ERBB2: variants seen among roughly 807,000 people sequenced by gnomAD.
ERBB2 encodes the protein receptor tyrosine-protein kinase erbB-2.
In ERBB2, 61 loss-of-function variants were observed where a neutral mutation model predicts 149.0. That is an observed-to-expected ratio of 0.41 (90% confidence interval 0.33 to 0.51). The LOEUF (loss-of-function observed/expected upper bound fraction) is 0.51. Among genes scored for constraint, ERBB2 ranks in the 20% least tolerant of loss-of-function variants. ERBB2 has a pLI of 0.25. For missense variants in ERBB2, 1,205 were observed against 1,655.1 expected (o/e 0.73, Z 4.72); for synonymous variants, 633 against 678.8 (o/e 0.93, Z 1.05).
At chr17:39,719,858 C>T (rs745545735) in intron 16 of ERBB2, 24 bp downstream of exon 16, 2 of 1,610,354 alleles carry the variant, frequency 1.2e-6, no homozygotes, top group African/African-American at 1.3e-5. Context: ...CCAGGATGTA[C>T]CCTTCATTGC....
intron 1 of ERBB2, among the ~76,000 whole-genome samples, chr17:39,702,065 TATTG>T (rs1438104335): frequency 6.6e-6 from 1 of 152,180 alleles, no homozygotes; most frequent in Admixed American, 6.5e-5. Context: ...CAACCTGCAC[TATTG>T]ATTGTGTTGT....
At chr17:39,724,253 G>C (rs2059611316) in intron 19 of ERBB2, among the ~76,000 whole-genome samples, 1 of 100,360 alleles carries the variant, frequency 1.0e-5, no homozygotes, top group South Asian at 3.8e-4. Context: ...TGAGTAGCTG[G>C]GATTACAAGC....
intron 16 of ERBB2, among the ~76,000 whole-genome samples, chr17:39,722,360 G>A (rs1026285520): frequency 6.6e-6 from 1 of 152,126 alleles, no homozygotes; most frequent in African/African-American, 2.4e-5. Context: ...AAAACTAGCT[G>A]AGTGTGGTGG....
At chr17:39,716,481 T>C (rs547963026) in intron 13 of ERBB2, 34 bp from the exon 14 acceptor site, 1 of 1,613,678 alleles carries the variant, frequency 6.2e-7, no homozygotes, top group East Asian at 2.2e-5. Flanking sequence ...ATGGGGCTCC[T>C]CTCAGACCCC....
chr17:39,728,149 G>C lies in ERBB2; in HGVS notation c.*105G>C. On this transcript the variant is annotated 3_prime_UTR_variant, in exon 27 of 27. Transcript: ENST00000269571. ...TGGGAGGGCCCTCCGACCACTTCCA[G>C]GGGAACCTGCCATGCCAGGAACCTG... The C allele has an allele frequency of 1.3e-6, 1 of 771,868 alleles. No individual in the cohort carries two copies. Among genetic ancestry groups the C allele is most frequent in the South Asian group, 1.9e-5 (1 of 51,820 alleles). 47.8% of individuals were successfully genotyped at this position (771,868 alleles called of 1,614,324 possible).
Position 39,725,182 on chromosome 17 carries a change from A to G in ERBB2, c.2627A>G (p.Glu876Gly), listed in dbSNP as rs2145867583. 3.7e-6 allele frequency: 6 copies of G among 1,614,108 alleles called. No homozygotes were observed. Among genetic ancestry groups the G allele is most frequent in the Non-Finnish European group, 5.1e-6 (6 of 1,180,022 alleles). ...LARLLDIDET[E>G]YHADGGKVPI... ...CGGCTGCTGGACATTGACGAGACAG[A>G]GTACCATGCAGATGGGGGCAAGGTT... is the stretch of plus-strand genomic sequence containing the variant. Residue 876 changes from glutamate to glycine, a missense_variant, in exon 21 of 27, where the codon GAG becomes GGG. Transcript: ENST00000269571. This position sits in a 1 kb window ranked among gnomAD's most constrained non-coding sequence, Gnocchi z 4.6.
rs2145862213 is a variant in ERBB2 at position 39,725,055 on chromosome 17, A to G, written c.2500A>G (p.Ser834Gly). ...TGGGTGCTTCCCATTCCAGGGGATGAGCTACCTGGAGGATGTGCGGCTCGT... is the reference window on the plus strand; with the variant it reads ...TGGGTGCTTCCCATTCCAGGGGATGGGCTACCTGGAGGATGTGCGGCTCGT... ...NWCMQIAKGM[S>G]YLEDVRLVHR... The change falls in exon 21 of 27, where the codon AGC (serine) becomes GGC (glycine). Residue 834 changes from serine (S) to glycine (G), a missense_variant. By Grantham distance (56) the Ser-to-Gly change is moderately conservative. Transcript: ENST00000269571. The surrounding 1 kb of genome is among the most constrained non-coding windows in gnomAD (Gnocchi z 4.6). 1 of 1,614,124 alleles carries G rather than the reference A, an allele frequency of 6.2e-7. No homozygotes were observed. Among genetic ancestry groups the G allele is most frequent in the Non-Finnish European group, 8.5e-7 (1 of 1,180,022 alleles).
At position 39,716,344 on chromosome 17, in the gene ERBB2, C is replaced by T. The variant is rs2059124750; in HGVS notation, c.1557C>T (p.His519=). The T allele has an allele frequency of 6.2e-7, 1 of 1,607,536 alleles. No homozygotes were observed. The highest frequency in any genetic ancestry group is 1.1e-5 in the South Asian group (1 of 90,242). ...LACHQLCARG[H]CWGPGPTQCV... is the part of the protein sequence containing the mutation. ...GCCACCAGCTGTGCGCCCGAGGGCA[C>T]TGCTGGGGTCCAGGGCCCACCCAGT... The change falls in exon 13 of 27, where the codon CAC becomes CAT. Residue 519 remains histidine, a synonymous_variant. Coordinates refer to ENST00000269571, the MANE Select transcript of ERBB2 (RefSeq NM_004448.4).
chr17:39,715,382 G>A, intron 10 of ERBB2, 23 bp downstream of exon 10: 1 of 1,613,698 alleles, frequency 6.2e-7, no homozygotes, highest in Non-Finnish European at 8.5e-7. Context: ...TCTGCATCCT[G>A]TTCTGCAGGG....
intron 9 of ERBB2, 49 bp downstream of exon 9, chr17:39,712,497 C>T (rs2058868964): frequency 6.2e-7 from 1 of 1,601,502 alleles, no homozygotes; most frequent in Non-Finnish European, 8.5e-7. Context: ...AGACAGAGTC[C>T]TGAGGATCCA....
chr17:39,699,556 A>G, upstream of ERBB2: 1 of 1,534,932 alleles, frequency 6.5e-7, no homozygotes. Context: ...AGATTCCAGA[A>G]GATATGCCCC....
chr17:39,706,813 C>T (rs980085714), intron 1 of ERBB2, 177 bp from the exon 2 acceptor site: 9 of 470,886 alleles, frequency 1.9e-5, no homozygotes, highest in African/African-American at 1.0e-4. Flanking sequence ...TTCCCAAGCA[C>T]GCAAGCTTTC....
chr17:39,726,842 T>A lies in ERBB2; in HGVS notation c.2998T>A (p.Leu1000Met), dbSNP rs2059794746. Residue 1000 changes from leucine (L) to methionine (M), a missense_variant, in exon 25 of 27, where the codon TTG (leucine) becomes ATG (methionine). Physicochemically the swap from Leu to Met is conservative, Grantham distance 15. Transcript: ENST00000269571. This position sits in a 1 kb window ranked among gnomAD's most constrained non-coding sequence, Gnocchi z 5.1. ...TGAGGACTTGGGCCCAGCCAGTCCC[T>A]TGGACAGCACCTTCTACCGCTCACT... ...QNEDLGPASP[L>M]DSTFYRSLLE... is the part of the protein sequence containing the mutation. 1 of 1,613,136 alleles carries A rather than the reference T, an allele frequency of 6.2e-7. No homozygotes were observed. The highest frequency in any genetic ancestry group is 1.1e-5 in the South Asian group (1 of 90,988).
chr17:39,719,694 A>G, intron 15 of ERBB2, 93 bp from the exon 16 acceptor site: 1 of 1,311,408 alleles, frequency 7.6e-7, no homozygotes, highest in Non-Finnish European at 1.1e-6. Context: ...ATAATGACCC[A>G]GCCACACCCC....
chr17:39,727,088 T>C lies in ERBB2; in HGVS notation c.3159+85T>C. 1 of 1,345,812 alleles carries C rather than the reference T, an allele frequency of 7.4e-7. No individual in the cohort carries two copies. Among genetic ancestry groups the C allele is most frequent in the Non-Finnish European group, 1.0e-6 (1 of 985,368 alleles). 83.4% of individuals were successfully genotyped at this position (1,345,812 alleles called of 1,614,324 possible). A position where few individuals can be genotyped will look rare whatever the true frequency, so the allele number is the denominator to read the frequency against. ...TAGGGTCCCTTTCTCTGATGTTCCC[T>C]CAACTGTCACCTCTCAAGGAAACCC... On this transcript the variant is annotated intron_variant, in intron 25 of 26. Transcript: ENST00000269571. This position sits in a 1 kb window ranked among gnomAD's most constrained non-coding sequence, Gnocchi z 4.3.
intron 6 of ERBB2, 25 bp downstream of exon 6, chr17:39,710,226 A>G (rs2145508739): frequency 6.2e-7 from 1 of 1,610,292 alleles, no homozygotes; most frequent in Non-Finnish European, 8.5e-7. Flanking sequence ...TTTGTGCCCA[A>G]TGTGCTCTAC....
At chr17:39,700,464 C>T (rs2058030128) in intron 1 of ERBB2, among the ~76,000 whole-genome samples, 153 bp downstream of exon 1, 1 of 152,206 alleles carries the variant, frequency 6.6e-6, no homozygotes, top group African/African-American at 2.4e-5. Context: ...GCAGCCGGGC[C>T]CTGGGGCCCT....
intron 7 of ERBB2, 52 bp from the exon 8 acceptor site, chr17:39,711,876 G>A (rs2058818061): frequency 1.2e-6 from 2 of 1,611,306 alleles, no homozygotes; most frequent in Non-Finnish European, 1.7e-6. Flanking sequence ...TGCTGCTCAT[G>A]GTGGTGCACG....
chr17:39,711,824 A>C (rs758353260), intron 7 of ERBB2, 104 bp from the exon 8 acceptor site: 60 of 1,373,650 alleles, frequency 4.4e-5, no homozygotes, highest in Non-Finnish European at 6.1e-5. Flanking sequence ...AGGGCATTTA[A>C]GTATTGGTTG....
Sources: allele counts gnomAD v4.1 joint callset (sites outside exome capture counted in the v4.1 genomes callset), GRCh38; gene constraint gnomAD v4.1.1; non-coding constraint Gnocchi (gnomAD v3.1); transcripts MANE v1.5; gene names NCBI Gene and HGNC (gene_info 2026-07-23, HGNC 2026-07-21).